TOP6BL: variants seen among roughly 807,000 people sequenced by gnomAD.
TOP6BL encodes type 2 DNA topoisomerase 6 subunit B-like.
chr11:66,838,311 A>T, the TOP6BL span: 2 of 1,512,456 alleles, frequency 1.3e-6, no homozygotes, highest in Non-Finnish European at 1.8e-6. Flanking sequence ...CTCCTGTTTC[A>T]CTAGGGCTCG....
At chr11:66,834,663 G>T in the TOP6BL span, among the ~76,000 whole-genome samples, 5 of 152,260 alleles carry the variant, frequency 3.3e-5, no homozygotes, top group African/African-American at 1.2e-4. Context: ...AATGGAGAAG[G>T]TATTATTTTT....
the TOP6BL span, chr11:66,759,062 T>G: frequency 6.4e-7 from 1 of 1,570,422 alleles, no homozygotes; most frequent in Non-Finnish European, 8.7e-7. Flanking sequence ...CAGGAAGCCT[T>G]TTTGGTGGCA....
the TOP6BL span, among the ~76,000 whole-genome samples, chr11:66,790,357 G>C: frequency 1.3e-5 from 2 of 152,156 alleles, no homozygotes; most frequent in African/African-American, 4.8e-5. Flanking sequence ...ACAATACGGT[G>C]TGATTCCCAG....
At chr11:66,756,928 C>CT in the TOP6BL span, among the ~76,000 whole-genome samples, 1 of 151,694 alleles carries the variant, frequency 6.6e-6, no homozygotes, top group Non-Finnish European at 1.5e-5. Context: ...CCAGGCTGGT[C>CT]TTGAATTCCT....
At chr11:66,842,946 A>G in the TOP6BL span, 1 of 1,556,354 alleles carries the variant, frequency 6.4e-7, no homozygotes, top group Non-Finnish European at 8.7e-7. Context: ...CGAGCCCGTC[A>G]GAGGCCGCCC....
the TOP6BL span, among the ~76,000 whole-genome samples, chr11:66,787,213 C>T: frequency 9.9e-5 from 15 of 151,678 alleles, no homozygotes; most frequent in South Asian, 1.3e-3. Flanking sequence ...GAATTACAGA[C>T]GTGAGCCACC....
chr11:66,744,942 A>G, the TOP6BL span: 1 of 1,248,634 alleles, frequency 8.0e-7, no homozygotes, highest in East Asian at 3.2e-5. Flanking sequence ...AGGGAGAGAA[A>G]GCGGAGGACA....
the TOP6BL span, among the ~76,000 whole-genome samples, chr11:66,807,604 AAGC>A: frequency 6.6e-6 from 1 of 152,060 alleles, no homozygotes; most frequent in South Asian, 2.1e-4. Flanking sequence ...AAAATCATAA[AAGC>A]ATCAAAGAGC....
chr11:66,748,315 G>C, the TOP6BL span: 1 of 1,271,934 alleles, frequency 7.9e-7, no homozygotes, highest in African/African-American at 1.5e-5. Flanking sequence ...CTGGGTCATA[G>C]AGATGTATTA....
the TOP6BL span, among the ~76,000 whole-genome samples, chr11:66,770,006 A>G: frequency 6.6e-6 from 1 of 151,958 alleles, no homozygotes; most frequent in Non-Finnish European, 1.5e-5. Context: ...CGGCCTCCCA[A>G]AGTGCTGGGA....
chr11:66,778,817 A>G, the TOP6BL span, among the ~76,000 whole-genome samples: 1 of 152,332 alleles, frequency 6.6e-6, no homozygotes, highest in Admixed American at 6.5e-5. Flanking sequence ...AAACAGAGAT[A>G]TAGACCAATG....
the TOP6BL span, chr11:66,761,642 G>C: frequency 2.5e-6 from 3 of 1,194,324 alleles, no homozygotes; most frequent in Middle Eastern, 2.1e-4. Flanking sequence ...CTCCGGGGCT[G>C]TGCGAAGCTC....
chr11:66,806,765 AAAAAG>A, the TOP6BL span, among the ~76,000 whole-genome samples: 1 of 152,202 alleles, frequency 6.6e-6, no homozygotes, highest in Non-Finnish European at 1.5e-5. Flanking sequence ...CAAAATAAAA[AAAAAG>A]AGAGAACAGA....
the TOP6BL span, among the ~76,000 whole-genome samples, chr11:66,754,402 G>T: frequency 6.6e-6 from 1 of 152,014 alleles, no homozygotes; most frequent in South Asian, 2.1e-4. Context: ...AGTATATAAA[G>T]ATTTTTTTAA....
At chr11:66,819,792 A>G in the TOP6BL span, among the ~76,000 whole-genome samples, 4 of 151,158 alleles carry the variant, frequency 2.6e-5, no homozygotes, top group African/African-American at 7.3e-5. Context: ...AATCCCAGCT[A>G]CTCGGGAGGC....
the TOP6BL span, among the ~76,000 whole-genome samples, chr11:66,827,114 T>C: frequency 1.3e-5 from 2 of 151,738 alleles, no homozygotes; most frequent in African/African-American, 4.9e-5. Flanking sequence ...CCCGAGTATC[T>C]AGGATTACAG....
chr11:66,795,472 T>C, the TOP6BL span, among the ~76,000 whole-genome samples: 2 of 151,916 alleles, frequency 1.3e-5, no homozygotes, highest in African/African-American at 2.4e-5. Context: ...TGGCTAATTT[T>C]TGTGTTTTTA....
At chr11:66,764,719 T>C in the TOP6BL span, among the ~76,000 whole-genome samples, 3 of 150,496 alleles carry the variant, frequency 2.0e-5, no homozygotes, top group African/African-American at 7.3e-5. Flanking sequence ...TGGCTCTGAC[T>C]AAAATCCCAG....
chr11:66,798,597 CAAAAAAA>C, the TOP6BL span, among the ~76,000 whole-genome samples: 5 of 43,240 alleles, frequency 1.2e-4, no homozygotes, highest in Admixed American at 2.5e-4. Context: ...GACTCTGTCT[CAAAAAAA>C]AAAAAAAAAA....
Sources: gnomAD v4.1 joint callset for allele counts (sites outside exome capture counted in the v4.1 genomes callset) on GRCh38, gnomAD v4.1.1 for gene constraint, MANE v1.5 for transcripts, NCBI Gene and HGNC (gene_info 2026-07-23, HGNC 2026-07-21) for gene names.